JAG1: variants seen among roughly 807,000 people sequenced by gnomAD.
JAG1 encodes protein jagged-1.
JAG1 carries 23 observed loss-of-function variants against 148.7 expected under a neutral mutation model. The ratio of observed to expected loss-of-function variants is 0.15; its 90% CI spans 0.11 to 0.22. The LOEUF is 0.22. JAG1 is among the 10% of genes least tolerant of loss of function. JAG1 has a pLI of 1.00. For missense variants in JAG1, 1,054 were observed against 1,611.2 expected (o/e 0.65, Z 5.92); for synonymous variants, 572 against 598.3 (o/e 0.96, Z 0.64).
chr20:10,642,635 T>TG (rs1568792768), intron 20 of JAG1, 34 bp from the exon 21 acceptor site: 2 of 1,208,002 alleles, frequency 1.7e-6, no homozygotes, highest in African/African-American at 3.0e-5. Context: ...TAGGGACTGA[T>TG]GGTGTGTGGC....
chr20:10,656,670 A>G (rs768112650), intron 4 of JAG1, among the ~76,000 whole-genome samples: 2 of 152,200 alleles, frequency 1.3e-5, no homozygotes, highest in Non-Finnish European at 2.9e-5. Flanking sequence ...TGAAAACATG[A>G]TATTGTTTGG....
intron 2 of JAG1, among the ~76,000 whole-genome samples, chr20:10,668,486 A>AT (rs1266959019): frequency 6.6e-6 from 1 of 152,194 alleles, no homozygotes; most frequent in African/African-American, 2.4e-5. Flanking sequence ...TACAACGCTA[A>AT]TTGTATGCAC....
intron 2 of JAG1, among the ~76,000 whole-genome samples, chr20:10,670,714 C>A (rs575558889): frequency 6.6e-6 from 1 of 152,334 alleles, no homozygotes; most frequent in African/African-American, 2.4e-5. Flanking sequence ...GTGATACATG[C>A]GTTTGTCCCA....
At position 10,643,847 on chromosome 20, in the gene JAG1, A is replaced by T; in HGVS notation, c.2389T>A (p.Cys797Ser). The change falls in exon 20 of 26, where the codon TGT (cysteine) becomes AGT (serine). Residue 797 changes from cysteine to serine, a missense_variant. By Grantham distance (112) the Cys-to-Ser change is moderately radical (BLOSUM62 -1). Coordinates refer to ENST00000254958, the MANE Select transcript of JAG1 (RefSeq NM_000214.3). ...SPHPCYNSGT[C>S]VDGDNWYRCE... ...CGGTACCAGTTGTCTCCATCCACAC[A>T]GGTGCCGCTGTTGTAACTAAGAAAG... The T allele has an allele frequency of 6.2e-7, 1 of 1,614,036 alleles. No homozygotes were observed. Among genetic ancestry groups the T allele is most frequent in the Non-Finnish European group, 8.5e-7 (1 of 1,179,944 alleles).
At chr20:10,667,387 C>G (rs772609542) in intron 2 of JAG1, among the ~76,000 whole-genome samples, 4 of 152,152 alleles carry the variant, frequency 2.6e-5, no homozygotes, top group Non-Finnish European at 5.9e-5. Flanking sequence ...TTTGGAGAGG[C>G]CCTATTATTC....
intron 2 of JAG1, among the ~76,000 whole-genome samples, chr20:10,669,619 A>G (rs975299647): frequency 6.1e-5 from 9 of 147,326 alleles, no homozygotes; most frequent in African/African-American, 2.2e-4. Flanking sequence ...TAATAGGATC[A>G]ATGGAATTTA....
chr20:10,641,000 TC>T, intron 24 of JAG1, 67 bp from the exon 25 acceptor site: 1 of 1,611,120 alleles, frequency 6.2e-7, no homozygotes, highest in Non-Finnish European at 8.5e-7. Context: ...TCAAAATTAC[TC>T]GACAATCTGT....
At chr20:10,643,674 C>T in intron 20 of JAG1, 104 bp downstream of exon 20, 2 of 892,914 alleles carry the variant, frequency 2.2e-6, no homozygotes, top group African/African-American at 1.6e-5. Context: ...ATGAGAGCTA[C>T]TTAAAGGGAA....
Position 10,672,948 on chromosome 20 carries a change from C to T in JAG1, c.140G>A (p.Gly47Glu). ...LEILSMQNVN[G>E]ELQNGNCCGG... Reference sequence around the variant, plus strand: ...GCAGCAGTTCCCGTTCTGCAGCTCCCCGTTCACGTTCTGCATGGACAGGAT... The same window carrying T: ...GCAGCAGTTCCCGTTCTGCAGCTCCTCGTTCACGTTCTGCATGGACAGGAT... Residue 47 changes from glycine to glutamate, a missense_variant, in exon 2 of 26, where the codon GGG (glycine) becomes GAG (glutamate). Gly to Glu is a moderately conservative substitution (Grantham distance 98, BLOSUM62 -2). This residue lies in a region of JAG1 where 151 missense variants were observed against 211.1 expected (regional missense o/e 0.72). Transcript: ENST00000254958. 2 of 1,613,016 alleles carry T rather than the reference C, an allele frequency of 1.2e-6. No homozygotes were observed. The highest frequency in any genetic ancestry group is 1.7e-6 in the Non-Finnish European group (2 of 1,180,014).
At chr20:10,665,328 TTTCATA>T (rs2067446263) in intron 2 of JAG1, among the ~76,000 whole-genome samples, 1 of 152,192 alleles carries the variant, frequency 6.6e-6, no homozygotes, top group African/African-American at 2.4e-5. Context: ...CCGAAATATG[TTTCATA>T]CTCAAAGCAG....
Position 10,651,636 on chromosome 20 carries a change from G to C in JAG1, c.1065C>G (p.Ser355=). The change falls in exon 8 of 26, where the codon TCC becomes TCG. Residue 355 remains serine, a synonymous_variant. Transcript: ENST00000254958. ...GGGAACACTCACACTCAAAGCCCAG[G>C]GAGGTCTCCTTACAGCTGCCTCTGT... ...CHNRGSCKET[S]LGFECECSPG... is the part of the protein sequence containing the mutation. The C allele has an allele frequency of 5.0e-6, 8 of 1,614,124 alleles. No individual in the cohort carries two copies. The highest frequency in any genetic ancestry group is 6.8e-6 in the Non-Finnish European group (8 of 1,180,012).
intron 13 of JAG1, 161 bp from the exon 14 acceptor site, chr20:10,647,264 A>G: frequency 1.3e-6 from 1 of 753,784 alleles, no homozygotes. Context: ...GCCACATCAC[A>G]TTATGACAGG....
Position 10,639,862 on chromosome 20 carries a change from T to C in JAG1, c.3293A>G (p.Lys1098Arg), listed in dbSNP as rs2067257938. Residue 1098 changes from lysine (K) to arginine (R), a missense_variant, in exon 26 of 26, where the codon AAG (lysine) becomes AGG (arginine). Transcript: ENST00000254958. ...GGCTGAGTGTGTGTGGCTGCCCGGC[T>C]TCCGCCGCTTCCGCAGGCACCAGTA... ...AFYWCLRKRRKPGSHTHSASE... is the reference protein window; with the variant it reads ...AFYWCLRKRRRPGSHTHSASE... 3.7e-6 allele frequency: 6 copies of C among 1,614,170 alleles called. No homozygotes were observed. The East Asian group carries it at 1.3e-4, about 36-fold the overall frequency.
In JAG1 at chr20:10,672,880, C is replaced by T; in HGVS notation, c.208G>A (p.Glu70Lys). Residue 70 changes from glutamate (E) to lysine (K), a missense_variant, in exon 2 of 26, where the codon GAG (glutamate) becomes AAG (lysine). Glu to Lys is a moderately conservative substitution (Grantham distance 56, BLOSUM62 1). This residue lies in a region of JAG1 where 151 missense variants were observed against 211.1 expected (regional missense o/e 0.72). Transcript: ENST00000254958. ...CACACTTTGAAGTATGTGTCACACT[C>T]GTCGCGGGTGCACTTGCGGTCTCCC... ...NPGDRKCTRDECDTYFKVCLK... is the reference protein window; with the variant it reads ...NPGDRKCTRDKCDTYFKVCLK... 3 of 1,613,318 alleles carry T rather than the reference C, an allele frequency of 1.9e-6. No individual in the cohort carries two copies. Among genetic ancestry groups the T allele is most frequent in the Non-Finnish European group, 1.7e-6 (2 of 1,180,052 alleles).
intron 5 of JAG1, among the ~76,000 whole-genome samples, chr20:10,652,882 G>C (rs2067356198): frequency 6.6e-6 from 1 of 152,184 alleles, no homozygotes; most frequent in Non-Finnish European, 1.5e-5. Context: ...ACACGAGTGA[G>C]CCAAAGGTGA....
chr20:10,644,425 G>A, intron 18 of JAG1, 41 bp from the exon 19 acceptor site: 2 of 1,567,972 alleles, frequency 1.3e-6, no homozygotes, highest in South Asian at 2.2e-5. Flanking sequence ...ACTTCAACAG[G>A]GAAAGCGGTC....
At chr20:10,669,897 A>G (rs1221479779) in intron 2 of JAG1, among the ~76,000 whole-genome samples, 1 of 152,216 alleles carries the variant, frequency 6.6e-6, no homozygotes, top group East Asian at 1.9e-4. Context: ...GTTAAGCCCA[A>G]TTACTTCCCA....
At chr20:10,647,296 A>G (rs2067315802) in intron 13 of JAG1, 193 bp from the exon 14 acceptor site, 3 of 643,022 alleles carry the variant, frequency 4.7e-6, no homozygotes, top group Non-Finnish European at 5.6e-6. Context: ...CTCCAGGCAA[A>G]GAGTTTTAAA....
intron 12 of JAG1, 83 bp from the exon 13 acceptor site, chr20:10,648,193 ACTG>A: frequency 6.6e-7 from 1 of 1,525,158 alleles, no homozygotes; most frequent in Non-Finnish European, 9.1e-7. Context: ...GGCAGCAGGC[ACTG>A]GAATCTGACA....
Sources: allele counts gnomAD v4.1 joint callset (sites outside exome capture counted in the v4.1 genomes callset), GRCh38; gene constraint gnomAD v4.1.1; regional missense constraint gnomAD v4.1.1; transcripts MANE v1.5; gene names NCBI Gene and HGNC (gene_info 2026-07-23, HGNC 2026-07-21).